USP5: variants seen among roughly 807,000 people sequenced by gnomAD.
USP5 encodes ubiquitin specific peptidase 5, also known as ubiquitin carboxyl-terminal hydrolase 5.
Under a neutral mutation model 102.5 loss-of-function variants are expected in USP5, and 24 were observed. The ratio of observed to expected loss-of-function variants is 0.23; its 90% CI spans 0.17 to 0.33. USP5 has a LOEUF of 0.33. Ranked by LOEUF, USP5 falls within the 10% of genes least tolerant of loss-of-function variation. USP5 has a pLI of 1.00. For synonymous variants in USP5, 460 were observed against 434.8 expected (o/e 1.06, Z -0.72); for missense variants, 753 against 1,122.1 (o/e 0.67, Z 4.70).
chr12:6,856,960 C>T lies in USP5; in HGVS notation c.769+69C>T. 1.9e-6 allele frequency: 3 copies of T among 1,548,658 alleles called. No individual in the cohort carries two copies. Among genetic ancestry groups the T allele is most frequent in the Non-Finnish European group, 2.6e-6 (3 of 1,143,128 alleles). On this transcript the variant is annotated intron_variant, in intron 6 of 19. Transcript: ENST00000229268. The surrounding 1 kb of genome is among the most constrained non-coding windows in gnomAD (Gnocchi z 5.6). The stretch of plus-strand genomic sequence containing the variant: ...TTCATTTGTTAGTAATTTCGTGTGA[C>T]ATGTATAATACATGAATGCATTATC...
Position 6,864,480 on chromosome 12 carries a change from C to G in USP5, c.2245-242C>G, listed in dbSNP as rs1242578007. 6.6e-6 allele frequency among the ~76,000 whole-genome samples: 1 copy of G among 152,132 alleles called. No individual in the cohort carries two copies. Among genetic ancestry groups the G allele is most frequent in the African/African-American group, 2.4e-5 (1 of 41,444 alleles). ...TGAGGTGGGCGGATCACGCGGTCAG[C>G]AGATCAAGACCATCCTGGCTAACAC... is the stretch of plus-strand genomic sequence containing the variant. On this transcript the variant is annotated intron_variant, in intron 17 of 19. Transcript: ENST00000229268. The surrounding 1 kb of genome is among the most constrained non-coding windows in gnomAD (Gnocchi z 4.8).
chr12:6,862,613 C>T (rs1282246846), intron 14 of USP5, 55 bp downstream of exon 14: 3 of 1,516,446 alleles, frequency 2.0e-6, no homozygotes, highest in African/African-American at 2.7e-5. Context: ...AAAGAAGGGG[C>T]TTTAACACAT....
chr12:6,853,410 G>A (rs1944005036), intron 1 of USP5, among the ~76,000 whole-genome samples: 1 of 152,244 alleles, frequency 6.6e-6, no homozygotes, highest in East Asian at 1.9e-4. Flanking sequence ...ACAATGTGCT[G>A]CTTCTCTGAA....
rs1555128101 is a variant in USP5 at position 6,855,849 on chromosome 12, T to TC, written c.304+31dup. 6.2e-7 allele frequency: 1 copy of TC among 1,613,958 alleles called. No homozygotes were observed. Among genetic ancestry groups the TC allele is most frequent in the East Asian group, 2.2e-5 (1 of 44,868 alleles). Reference sequence around the variant, plus strand: ...GAGCACCGCTGCAGTCCTATTCTTCTCCCTGAGCTGGTCTTTCTGGCTCTC... The same window carrying TC: ...GAGCACCGCTGCAGTCCTATTCTTCTCCCCTGAGCTGGTCTTTCTGGCTCTC... On this transcript the variant is annotated intron_variant, in intron 3 of 19. Transcript: ENST00000229268. The surrounding 1 kb of genome is among the most constrained non-coding windows in gnomAD (Gnocchi z 4.6).
In USP5 at chr12:6,856,254, G is replaced by A. The variant is rs782672954; in HGVS notation, c.439-51G>A. ...AAGCTGAAGGCCAAGGGGAAGAGGGGCATGTGGGGCAGGGGGTTGGGTATT... is the reference window on the plus strand; with the variant it reads ...AAGCTGAAGGCCAAGGGGAAGAGGGACATGTGGGGCAGGGGGTTGGGTATT... On this transcript the variant is annotated intron_variant, in intron 4 of 19. Transcript: ENST00000229268. This position sits in a 1 kb window ranked among gnomAD's most constrained non-coding sequence, Gnocchi z 5.6. The A allele has an allele frequency of 1.1e-5, 18 of 1,603,872 alleles. No homozygotes were observed. Among genetic ancestry groups the A allele is most frequent in the Admixed American group, 6.7e-5 (4 of 59,672 alleles).
chr12:6,860,316 CCTGGATGGCCA>C lies in USP5; in HGVS notation c.1219-46_1219-36del, dbSNP rs1555129250. 2 of 1,613,624 alleles carry C rather than the reference CCTGGATGGCCA, an allele frequency of 1.2e-6. No homozygotes were observed. Among genetic ancestry groups the C allele is most frequent in the Admixed American group, 1.7e-5 (1 of 59,984 alleles). The stretch of plus-strand genomic sequence containing the variant: ...GTCTGGGAGATGTCTAAAGAAGGCC[CCTGGATGGCCA>C]CTGAGCCCCAGCTGAGTCCCTGCCC... On this transcript the variant is annotated intron_variant, in intron 10 of 19. Transcript: ENST00000229268. This position sits in a 1 kb window ranked among gnomAD's most constrained non-coding sequence, Gnocchi z 5.5.
In USP5 at chr12:6,862,083, T is replaced by G. The variant is rs782184595; in HGVS notation, c.1674-387T>G. ...AAACAGCTCTTCCTCTCTGTGTGGG[T>G]TTTTTTTTTTTTTCTATGTGTGGGT... is the stretch of plus-strand genomic sequence containing the variant. On this transcript the variant is annotated intron_variant, in intron 13 of 19. Transcript: ENST00000229268. Among the ~76,000 whole-genome samples, 11 of 122,638 alleles carry G rather than the reference T, an allele frequency of 9.0e-5. No individual in the cohort carries two copies. In the South Asian group the frequency reaches 9.3e-4, roughly 10 times the overall value. 80.5% of individuals were successfully genotyped at this position (122,638 alleles called of 152,430 possible). A position where few individuals can be genotyped will look rare whatever the true frequency, so the allele number is the denominator to read the frequency against.
In USP5 at chr12:6,860,911, C is replaced by T. The variant is rs529498494; in HGVS notation, c.1345-42C>T. The T allele has an allele frequency of 4.7e-5, 75 of 1,610,742 alleles. No individual in the cohort carries two copies. Among genetic ancestry groups the T allele is most frequent in the East Asian group, 2.9e-4 (13 of 44,838 alleles). ...TGAACCTTTCAGGCCCCATTCTGTT[C>T]CCTGGCTGCCCAGACCTCCCTACCC... On this transcript the variant is annotated intron_variant, in intron 11 of 19. Coordinates refer to ENST00000229268, the MANE Select transcript of USP5 (RefSeq NM_001098536.2). This position sits in a 1 kb window ranked among gnomAD's most constrained non-coding sequence, Gnocchi z 5.5.
intron 8 of USP5, among the ~76,000 whole-genome samples, chr12:6,859,255 C>T (rs1326195023): frequency 2.0e-5 from 3 of 152,188 alleles, no homozygotes; most frequent in Non-Finnish European, 2.9e-5. Context: ...TCCCCCTCCC[C>T]GGCTCCTCTG....
In USP5 at chr12:6,863,665, C is replaced by T. The variant is rs1284756482; in HGVS notation, c.1955-165C>T. On this transcript the variant is annotated intron_variant, in intron 15 of 19. Transcript: ENST00000229268. The surrounding 1 kb of genome is among the most constrained non-coding windows in gnomAD (Gnocchi z 4.7). ...CCATTCTGTGAGAATGGGCAGGGACCCACATTACAATTGTGTGGTCATTTT... is the reference window on the plus strand; with the variant it reads ...CCATTCTGTGAGAATGGGCAGGGACTCACATTACAATTGTGTGGTCATTTT... 6.6e-6 allele frequency among the ~76,000 whole-genome samples: 1 copy of T among 152,092 alleles called. No individual in the cohort carries two copies.
rs370308880 is a variant in USP5 at position 6,855,178 on chromosome 12, G to T, written c.112-223G>T. On this transcript the variant is annotated intron_variant, in intron 1 of 19. Coordinates refer to ENST00000229268, the MANE Select transcript of USP5 (RefSeq NM_001098536.2). This position sits in a 1 kb window ranked among gnomAD's most constrained non-coding sequence, Gnocchi z 4.6. ...ATGAGCTGGTGTTCCTCAGCCCCCTGATGTCCTTGTTGGTTGTTATCAAAG... is the reference window on the plus strand; with the variant it reads ...ATGAGCTGGTGTTCCTCAGCCCCCTTATGTCCTTGTTGGTTGTTATCAAAG... 8.5e-5 allele frequency among the ~76,000 whole-genome samples: 13 copies of T among 152,208 alleles called. No individual in the cohort carries two copies. Among genetic ancestry groups the T allele is most frequent in the African/African-American group, 3.1e-4 (13 of 41,458 alleles).
Position 6,863,315 on chromosome 12 carries a change from T to C in USP5, c.1892T>C (p.Leu631Pro). 6.2e-7 allele frequency: 1 copy of C among 1,614,162 alleles called. No individual in the cohort carries two copies. The highest frequency in any genetic ancestry group is 8.5e-7 in the Non-Finnish European group (1 of 1,180,040). Residue 631 changes from leucine to proline, a missense_variant, in exon 15 of 20, where the codon CTT becomes CCT. Coordinates refer to ENST00000229268, the MANE Select transcript of USP5 (RefSeq NM_001098536.2). This position sits in a 1 kb window ranked among gnomAD's most constrained non-coding sequence, Gnocchi z 4.7. ...LVTPDEPKGS[L>P]GFYGNEDEDS... The stretch of plus-strand genomic sequence containing the variant: ...ACTCCGGATGAGCCCAAAGGTAGCC[T>C]TGGTTTCTATGGCAACGAAGACGAA...
At chr12:6,865,939 AATG>A (rs781959192) in intron 19 of USP5, 42 bp from the exon 20 acceptor site, 1 of 1,556,128 alleles carries the variant, frequency 6.4e-7, no homozygotes, top group South Asian at 1.1e-5. Flanking sequence ...TGCCACTTTG[AATG>A]CCCAGTTTGT....
chr12:6,854,682 G>A (rs1555127759), intron 1 of USP5, among the ~76,000 whole-genome samples: 1 of 152,082 alleles, frequency 6.6e-6, no homozygotes, highest in Non-Finnish European at 1.5e-5. Flanking sequence ...CACTTGAGCC[G>A]GGGAGGTTGA....
At position 6,856,990 on chromosome 12, in the gene USP5, T is replaced by C; in HGVS notation, c.769+99T>C. 7.0e-7 allele frequency: 1 copy of C among 1,438,056 alleles called. No individual in the cohort carries two copies. The highest frequency in any genetic ancestry group is 1.4e-5 in the South Asian group (1 of 72,882). The allele number at this position is 1,438,056 out of a possible 1,614,324, so 89.1% of individuals were successfully genotyped here. ...ATAATACATGAATGCATTATCTTGATAAGAAAGGAAAGTAGTCAGGTGCGG... is the reference window on the plus strand; with the variant it reads ...ATAATACATGAATGCATTATCTTGACAAGAAAGGAAAGTAGTCAGGTGCGG... On this transcript the variant is annotated intron_variant, in intron 6 of 19. Coordinates refer to ENST00000229268, the MANE Select transcript of USP5 (RefSeq NM_001098536.2). The surrounding 1 kb of genome is among the most constrained non-coding windows in gnomAD (Gnocchi z 5.6).
Position 6,856,494 on chromosome 12 carries a change from G to A in USP5, c.584+44G>A. On this transcript the variant is annotated intron_variant, in intron 5 of 19. Transcript: ENST00000229268. The surrounding 1 kb of genome is among the most constrained non-coding windows in gnomAD (Gnocchi z 5.6). ...GCCTCGGGCACCACCCCCAGAGCAAGGACAAGGAGCCCACTTTTCTGGGGG... is the reference window on the plus strand; with the variant it reads ...GCCTCGGGCACCACCCCCAGAGCAAAGACAAGGAGCCCACTTTTCTGGGGG... 1 of 1,575,560 alleles carries A rather than the reference G, an allele frequency of 6.3e-7. No homozygotes were observed. Among genetic ancestry groups the A allele is most frequent in the Non-Finnish European group, 8.6e-7 (1 of 1,160,778 alleles).
chr12:6,860,192 A>G lies in USP5; in HGVS notation c.1172A>G (p.Lys391Arg). The stretch of plus-strand genomic sequence containing the variant: ...GGCCTTCTCTCCGGGGAGTATTCCA[A>G]GCCAGTACCGGAGTCGGGCGATGGG... The part of the protein sequence containing the change: ...GHGLLSGEYS[K>R]PVPESGDGER... Residue 391 changes from lysine (K) to arginine (R), a missense_variant, in exon 10 of 20, where the codon AAG becomes AGG. Lys to Arg is a conservative substitution (Grantham distance 26). This residue lies in a region of USP5 where 527 missense variants were observed against 816.5 expected (regional missense o/e 0.65). Coordinates refer to ENST00000229268, the MANE Select transcript of USP5 (RefSeq NM_001098536.2). The surrounding 1 kb of genome is among the most constrained non-coding windows in gnomAD (Gnocchi z 5.5). 1 of 1,608,084 alleles carries G rather than the reference A, an allele frequency of 6.2e-7. No homozygotes were observed. The highest frequency in any genetic ancestry group is 8.5e-7 in the Non-Finnish European group (1 of 1,178,362).
chr12:6,865,907 C>T, intron 19 of USP5, 77 bp from the exon 20 acceptor site: 1 of 1,275,218 alleles, frequency 7.8e-7, no homozygotes, highest in Non-Finnish European at 1.1e-6. Context: ...CTTCCAGGGG[C>T]CATGTCTGAG....
chr12:6,859,446 A>G, intron 8 of USP5, 24 bp from the exon 9 acceptor site: 1 of 1,613,522 alleles, frequency 6.2e-7, no homozygotes, highest in Non-Finnish European at 8.5e-7. Flanking sequence ...GAGCCCCTCC[A>G]ACTGTCCTTC....
Sources: gnomAD v4.1 joint callset for allele counts (sites outside exome capture counted in the v4.1 genomes callset) on GRCh38, gnomAD v4.1.1 for gene constraint, gnomAD v4.1.1 regional missense constraint, Gnocchi (gnomAD v3.1) non-coding constraint, MANE v1.5 for transcripts, NCBI Gene and HGNC (gene_info 2026-07-23, HGNC 2026-07-21) for gene names.